TRIM55: variants seen among roughly 807,000 people sequenced by gnomAD.
TRIM55 encodes the protein tripartite motif containing 55, also known as tripartite motif-containing protein 55.
A neutral mutation model predicts 60.9 loss-of-function variants in TRIM55; 50 were observed. The ratio of observed to expected loss-of-function variants is 0.82; its 90% confidence interval spans 0.65 to 1.04. The LOEUF (loss-of-function observed/expected upper bound fraction) is 1.04. Among genes scored for constraint, TRIM55 ranks in the 50% least tolerant of loss-of-function variants. TRIM55 has a pLI of 0.00. For missense variants in TRIM55, 681 were observed against 666.9 expected, an observed-to-expected ratio of 1.02 and a Z score of -0.23; for synonymous variants, 237 against 238.1, an observed-to-expected ratio of 1.00 and a Z score of 0.04.
intron 9 of TRIM55, among the ~76,000 whole-genome samples, chr8:66,166,332 G>C (rs1159012829): frequency 3.3e-5 from 5 of 152,196 alleles, no homozygotes; most frequent in Non-Finnish European, 7.3e-5. Flanking sequence ...AGCTCTGGGA[G>C]AGCTCTCTTG....
At chr8:66,170,538 G>A (rs536841480) in intron 9 of TRIM55, among the ~76,000 whole-genome samples, 57 of 152,176 alleles carry the variant, frequency 3.7e-4, no homozygotes, top group African/African-American at 1.3e-3. Context: ...TCTACCTCTT[G>A]GCTATTGTGA....
At chr8:66,133,311 T>G (rs564378280) in intron 2 of TRIM55, among the ~76,000 whole-genome samples, 1 of 152,320 alleles carries the variant, frequency 6.6e-6, no homozygotes, top group Admixed American at 6.5e-5. Flanking sequence ...TCAAATTCCC[T>G]TTCATTGTCT....
At chr8:66,113,429 T>C in the TRIM55 span, 2 of 445,758 alleles carry the variant, frequency 4.5e-6, no homozygotes, top group Non-Finnish European at 9.0e-6. Flanking sequence ...GAGACATCCT[T>C]AGGTCGCTGG....
At chr8:66,162,783 C>T (rs1486279160) in intron 9 of TRIM55, among the ~76,000 whole-genome samples, 1 of 151,876 alleles carries the variant, frequency 6.6e-6, no homozygotes, top group Non-Finnish European at 1.5e-5. Context: ...ATAGTTTGTG[C>T]TTTTTATGTC....
chr8:66,126,967 C>T, upstream of TRIM55: 1 of 263,208 alleles, frequency 3.8e-6, no homozygotes, highest in Admixed American at 5.2e-5. Context: ...TTGTAATCCT[C>T]CTTCCCACCC....
At chr8:66,125,383 C>T (rs1396075944), upstream of TRIM55, among the ~76,000 whole-genome samples, 4 of 152,200 alleles carry the variant, frequency 2.6e-5, no homozygotes, top group African/African-American at 9.7e-5. Context: ...CCCAGAGCCT[C>T]ACACAATGGA....
the TRIM55 span, among the ~76,000 whole-genome samples, chr8:66,113,840 T>C: frequency 1.3e-5 from 2 of 151,960 alleles, no homozygotes; most frequent in Non-Finnish European, 2.9e-5. Flanking sequence ...ACGGCTGCCG[T>C]GAGGAGGTGG....
upstream of TRIM55, among the ~76,000 whole-genome samples, chr8:66,124,956 C>T (rs536870652): frequency 5.3e-5 from 8 of 152,290 alleles, no homozygotes; most frequent in South Asian, 1.7e-3. Flanking sequence ...AATGCAGACT[C>T]ACTGAGCTAA....
intron 4 of TRIM55, among the ~76,000 whole-genome samples, chr8:66,139,794 T>C (rs1347186867): frequency 6.6e-6 from 1 of 152,218 alleles, no homozygotes; most frequent in African/African-American, 2.4e-5. Context: ...ATTTATTTCA[T>C]ACCTGTTTTT....
At chr8:66,114,606 A>G in the TRIM55 span, 1 of 456,382 alleles carries the variant, frequency 2.2e-6, no homozygotes, top group Non-Finnish European at 4.4e-6. Context: ...GGAGACCCAC[A>G]GGGAAAACAA....
At chr8:66,169,046 C>T (rs1811474178) in intron 9 of TRIM55, among the ~76,000 whole-genome samples, 1 of 152,102 alleles carries the variant, frequency 6.6e-6, no homozygotes, top group African/African-American at 2.4e-5. Flanking sequence ...TTGATGCTGG[C>T]ATGTCATGGA....
chr8:66,163,165 A>G (rs376754654), intron 9 of TRIM55, among the ~76,000 whole-genome samples: 22 of 152,282 alleles, frequency 1.4e-4, no homozygotes, highest in African/African-American at 5.3e-4. Flanking sequence ...CAAATAAGTC[A>G]ATGTAGTCTC....
At chr8:66,113,456 A>G in the TRIM55 span, 3 of 454,134 alleles carry the variant, frequency 6.6e-6, no homozygotes, top group African/African-American at 4.0e-5. Flanking sequence ...TCCGGCTCGA[A>G]GGAGACAAGT....
intron 2 of TRIM55, among the ~76,000 whole-genome samples, chr8:66,134,300 A>T (rs1809348148): frequency 6.6e-6 from 1 of 152,246 alleles, no homozygotes; most frequent in Non-Finnish European, 1.5e-5. Context: ...ATTAGATAGG[A>T]TATATCAGAA....
At chr8:66,139,334 A>C (rs570876636) in intron 4 of TRIM55, among the ~76,000 whole-genome samples, 90 of 152,036 alleles carry the variant, frequency 5.9e-4, no homozygotes, top group Non-Finnish European at 1.2e-3. Context: ...TGCACAGGAG[A>C]AGAGTCCTGG....
chr8:66,174,264 T>A (rs1811797984), intron 9 of TRIM55, among the ~76,000 whole-genome samples: 1 of 151,762 alleles, frequency 6.6e-6, no homozygotes, highest in Non-Finnish European at 1.5e-5. Flanking sequence ...GTATCATGAG[T>A]GTGAATTATT....
chr8:66,128,379 A>C lies in TRIM55; in HGVS notation c.244A>C (p.Arg82=). 2 of 1,613,844 alleles carry C rather than the reference A, an allele frequency of 1.2e-6. No homozygotes were observed. The highest frequency in any genetic ancestry group is 1.7e-6 in the Non-Finnish European group (2 of 1,179,868). The change falls in exon 2 of 10, where the codon AGA becomes CGA. Residue 82 remains arginine (R), a synonymous_variant. Transcript: ENST00000315962. ...GGGCCGATTCCGCTGCCCATCCTGTAGACATGAAGTGGTTTTGGATAGACA... is the reference window on the plus strand; with the variant it reads ...GGGCCGATTCCGCTGCCCATCCTGTCGACATGAAGTGGTTTTGGATAGACA... ...SGGRFRCPSC[R]HEVVLDRHGV...
intron 5 of TRIM55, 95 bp downstream of exon 5, chr8:66,149,973 T>C: frequency 9.2e-7 from 1 of 1,088,546 alleles, no homozygotes. Flanking sequence ...ATTTCAGTTT[T>C]TATTTATTTT....
At chr8:66,172,738 C>G (rs535861957) in intron 9 of TRIM55, among the ~76,000 whole-genome samples, 1 of 152,356 alleles carries the variant, frequency 6.6e-6, no homozygotes, top group South Asian at 2.1e-4. Context: ...CACCCTTCAA[C>G]TATGTCAGAA....
Sources: allele counts gnomAD v4.1 joint callset (sites outside exome capture counted in the v4.1 genomes callset), GRCh38; gene constraint gnomAD v4.1.1; transcripts MANE v1.5; gene names NCBI Gene and HGNC (gene_info 2026-07-23, HGNC 2026-07-21).